The following PRKAR1B variants were observed in gnomAD, a reference collection of about 807,000 sequenced individuals.
PRKAR1B encodes the protein cAMP-dependent protein kinase type I-beta regulatory subunit.
PRKAR1B carries 22 observed loss-of-function variants against 46.5 expected under a neutral mutation model. The observed-to-expected ratio is 0.47, with a 90% CI of 0.34 to 0.68. The LOEUF is 0.68. PRKAR1B is among the 30% of genes least tolerant of loss of function. The probability of loss-of-function intolerance (pLI) is 0.01; values close to 1 mark genes in which losing one functional copy is unlikely to be tolerated. For missense variants in PRKAR1B, 445 were observed against 535.6 expected (o/e 0.83, Z 1.67); for synonymous variants, 259 against 217.7 (o/e 1.19, Z -1.67).
intron 4 of PRKAR1B, among the ~76,000 whole-genome samples, chr7:623,257 G>A (rs2128474746): frequency 6.6e-6 from 1 of 152,324 alleles, no homozygotes; most frequent in South Asian, 2.1e-4. Flanking sequence ...CGGCTGGGGT[G>A]CCAACAGCAC....
At chr7:672,504 T>C (rs1282607713) in intron 4 of PRKAR1B, among the ~76,000 whole-genome samples, 2 of 151,728 alleles carry the variant, frequency 1.3e-5, no homozygotes. Flanking sequence ...CCCACCGCAC[T>C]GTTCCCACAT....
chr7:727,497 G>C, upstream of PRKAR1B: 1 of 285,438 alleles, frequency 3.5e-6, no homozygotes, highest in Non-Finnish European at 6.0e-6. Flanking sequence ...CACCCCGCCC[G>C]GCCCCCTCCT....
chr7:589,670 C>T (rs1203862042), intron 7 of PRKAR1B, among the ~76,000 whole-genome samples: 1 of 152,208 alleles, frequency 6.6e-6, no homozygotes, highest in Non-Finnish European at 1.5e-5. Context: ...GATGCTCGCA[C>T]GGCCAGGCCC....
At chr7:654,316 C>G (rs549704526) in intron 4 of PRKAR1B, among the ~76,000 whole-genome samples, 45 of 151,890 alleles carry the variant, frequency 3.0e-4, no homozygotes, top group African/African-American at 1.1e-3. Context: ...TCACCATCAT[C>G]ACCATCCTCA....
chr7:727,981 A>C (rs1199084223), upstream of PRKAR1B, among the ~76,000 whole-genome samples: 1 of 151,416 alleles, frequency 6.6e-6, no homozygotes, highest in Non-Finnish European at 1.5e-5. Context: ...GGTTGAGGGC[A>C]CGCGCTTTGA....
At chr7:664,903 G>A (rs1353672908) in intron 4 of PRKAR1B, among the ~76,000 whole-genome samples, 5 of 152,150 alleles carry the variant, frequency 3.3e-5, no homozygotes, top group Admixed American at 6.5e-5. Flanking sequence ...AACGGAGCAA[G>A]ACTGTGTCTC....
At chr7:643,175 C>G (rs188148818) in intron 4 of PRKAR1B, among the ~76,000 whole-genome samples, 1 of 151,702 alleles carries the variant, frequency 6.6e-6, no homozygotes, top group African/African-American at 2.4e-5. Context: ...TTTAAACTTC[C>G]TGATACTATA....
chr7:579,395 G>A lies in PRKAR1B; in HGVS notation c.770-18C>T. The A allele has an allele frequency of 6.2e-7, 1 of 1,612,312 alleles. No homozygotes were observed. The highest frequency in any genetic ancestry group is 8.5e-7 in the Non-Finnish European group (1 of 1,179,998). Reference sequence around the variant, plus strand: ...CAGGGACTCTGTCGGGGGAGGATGAGGACAGGTCATCCCGGGGCCCACGCC... The same window carrying A: ...CAGGGACTCTGTCGGGGGAGGATGAAGACAGGTCATCCCGGGGCCCACGCC... On this transcript the variant is annotated intron_variant, in intron 8 of 10. Coordinates refer to ENST00000537384, the MANE Select transcript of PRKAR1B (RefSeq NM_001164760.2).
At chr7:561,829 C>T (rs1243068665) in intron 9 of PRKAR1B, 1 of 152,306 alleles carries the variant, frequency 6.6e-6, no homozygotes, top group East Asian at 1.9e-4. Flanking sequence ...GACGTCGGCG[C>T]CAGGGCTTGG....
At chr7:703,612 C>T (rs1022928073) in intron 2 of PRKAR1B, among the ~76,000 whole-genome samples, 6 of 150,206 alleles carry the variant, frequency 4.0e-5, no homozygotes, top group African/African-American at 1.2e-4. Flanking sequence ...GCCGAGATCA[C>T]GTCACTGCAC....
At chr7:686,448 G>A (rs1002167311) in intron 2 of PRKAR1B, among the ~76,000 whole-genome samples, 3 of 152,174 alleles carry the variant, frequency 2.0e-5, no homozygotes, top group Non-Finnish European at 4.4e-5. Flanking sequence ...GATGGAGAGA[G>A]AAGGTGGGGT....
At chr7:648,644 G>A (rs1232884935) in intron 4 of PRKAR1B, among the ~76,000 whole-genome samples, 2 of 151,690 alleles carry the variant, frequency 1.3e-5, no homozygotes, top group African/African-American at 2.4e-5. Context: ...TTAGCCAGGC[G>A]TGGTGGCAGT....
At chr7:595,881 C>T (rs1174375220) in intron 7 of PRKAR1B, among the ~76,000 whole-genome samples, 1 of 152,192 alleles carries the variant, frequency 6.6e-6, no homozygotes, top group African/African-American at 2.4e-5. Context: ...AACATGGCAG[C>T]TGGAGCACCA....
intron 4 of PRKAR1B, among the ~76,000 whole-genome samples, chr7:671,527 C>T (rs376683563): frequency 1.3e-5 from 2 of 152,126 alleles, no homozygotes; most frequent in African/African-American, 2.4e-5. Flanking sequence ...GACACAATCT[C>T]GGCTCACTGT....
intron 1 of PRKAR1B, 34 bp downstream of exon 1, chr7:727,176 C>A (rs769656987): frequency 3.0e-6 from 4 of 1,334,874 alleles, no homozygotes; most frequent in African/African-American, 1.5e-5. Context: ...TGGGCCTGGC[C>A]GTGGACCTGT....
Position 615,825 on chromosome 7 carries a change from CA to C in PRKAR1B, c.441-8374del, listed in dbSNP as rs71016887. Among the ~76,000 whole-genome samples, 287 of 94,422 alleles carry C rather than the reference CA, an allele frequency of 3.0e-3. 1 individual carries two copies. The highest frequency in any genetic ancestry group is 0.011 in the African/African-American group (223 of 20,576). 61.9% of individuals were successfully genotyped at this position (94,422 alleles called of 152,430 possible). A position where few individuals can be genotyped will look rare whatever the true frequency, so the allele number is the denominator to read the frequency against. The stretch of plus-strand genomic sequence containing the variant: ...CCTGGGCTACAGAGCAAGACTCCAT[CA>C]AAAAAAAAAAAAAAAAGAAAGCAAG... On this transcript the variant is annotated intron_variant, in intron 4 of 10. Coordinates refer to ENST00000537384, the MANE Select transcript of PRKAR1B (RefSeq NM_001164760.2).
At chr7:580,230 C>CAAAAAAA (rs1325090684) in intron 8 of PRKAR1B, among the ~76,000 whole-genome samples, 2 of 104,868 alleles carry the variant, frequency 1.9e-5, no homozygotes, top group African/African-American at 3.8e-5. Context: ...CACCCTGTCT[C>CAAAAAAA]AAAAAAAAAA....
At chr7:727,180 G>A in intron 1 of PRKAR1B, 30 bp downstream of exon 1, 4 of 1,338,844 alleles carry the variant, frequency 3.0e-6, no homozygotes, top group South Asian at 1.7e-5. Flanking sequence ...CCTGGCCGTG[G>A]ACCTGTGCGG....
intron 4 of PRKAR1B, among the ~76,000 whole-genome samples, chr7:617,227 TC>T (rs1288493668): frequency 6.6e-6 from 1 of 151,588 alleles, no homozygotes; most frequent in Non-Finnish European, 1.5e-5. Context: ...ACTCCTGACC[TC>T]ATGATCCACC....
Sources: gnomAD v4.1 joint callset for allele counts (sites outside exome capture counted in the v4.1 genomes callset) on GRCh38, gnomAD v4.1.1 for gene constraint, MANE v1.5 for transcripts, NCBI Gene and HGNC (gene_info 2026-07-23, HGNC 2026-07-21) for gene names.